Variants in ZNF735 observed in about 807,000 individuals in gnomAD.
The protein encoded by ZNF735 is putative zinc finger protein 735.
ZNF735 carries 11 observed loss-of-function variants against 13.4 expected under a neutral mutation model. That is an observed-to-expected ratio of 0.82 (90% confidence interval 0.52 to 1.36). The LOEUF is 1.36. Ranked by LOEUF, ZNF735 falls within the 40% of genes most tolerant of loss-of-function variation. The pLI is 0.00. For synonymous variants in ZNF735, 171 were observed against 162.6 expected, an observed-to-expected ratio of 1.05 and a Z score of -0.39; for missense variants, 500 against 484.6, an observed-to-expected ratio of 1.03 and a Z score of -0.30.
chr7:64,220,163 AT>A lies in ZNF735; in HGVS notation c.1113del (p.His371GlnfsTer31), dbSNP rs1396707856. 5 of 1,613,268 alleles carry A rather than the reference AT, an allele frequency of 3.1e-6. No homozygotes were observed. The highest frequency in any genetic ancestry group is 4.5e-5 in the East Asian group (2 of 44,852). ...AACTGCTCCTCAACTGTAAAGGCACATAAGAGAATTCATACTGGAGAGAAAC... is the reference window on the plus strand; with the variant it reads ...AACTGCTCCTCAACTGTAAAGGCACAAAGAGAATTCATACTGGAGAGAAAC... On this transcript the variant is annotated frameshift_variant, in exon 4 of 4. Transcript: ENST00000429565. LOFTEE classifies it low-confidence loss of function (END_TRUNC).
At chr7:64,207,315 AC>A in intron 1 of ZNF735, 74 bp downstream of exon 1, 1 of 1,613,750 alleles carries the variant, frequency 6.2e-7, no homozygotes, top group East Asian at 2.2e-5. Flanking sequence ...CTGCAGCAGG[AC>A]CCATACTTCC....
intron 2 of ZNF735, among the ~76,000 whole-genome samples, chr7:64,213,421 T>C (rs1015444515): frequency 1.3e-5 from 2 of 152,212 alleles, no homozygotes; most frequent in Admixed American, 6.5e-5. Context: ...ATGTATCTTT[T>C]GCTCTAGGTT....
chr7:64,219,509 A>C lies in ZNF735; in HGVS notation c.458A>C (p.Gln153Pro), dbSNP rs1787461199. The C allele has an allele frequency of 3.1e-6, 5 of 1,609,012 alleles. No individual in the cohort carries two copies. The highest frequency in any genetic ancestry group is 3.4e-5 in the Admixed American group (2 of 58,642). ...CTTAACCAATGTTTGTCAAATACCC[A>C]AAACAAAATATTTCAGACTCATAAA... The change falls in exon 4 of 4, where the codon CAA becomes CCA. Residue 153 changes from glutamine to proline, a missense_variant. By Grantham distance (76) the Gln-to-Pro change is moderately conservative (BLOSUM62 -1). Coordinates refer to ENST00000429565, the Ensembl canonical transcript of ZNF735.
chr7:64,213,964 AT>A (rs1787390224), intron 2 of ZNF735, 48 bp from the exon 3 acceptor site: 3 of 1,453,754 alleles, frequency 2.1e-6, no homozygotes, highest in Admixed American at 2.1e-5. Flanking sequence ...ATCTCAAAAA[AT>A]AAATAAATAA....
At chr7:64,219,075 T>G (rs547367642) in intron 3 of ZNF735, among the ~76,000 whole-genome samples, 1 of 152,330 alleles carries the variant, frequency 6.6e-6, no homozygotes, top group East Asian at 1.9e-4. Flanking sequence ...TCTCTATATA[T>G]GGTTCTTGAC....
At chr7:64,212,044 G>T (rs1378485157) in intron 1 of ZNF735, among the ~76,000 whole-genome samples, 1 of 151,892 alleles carries the variant, frequency 6.6e-6, no homozygotes, top group Non-Finnish European at 1.5e-5. Context: ...TATTCACTTG[G>T]TTCAAGATCT....
intron 3 of ZNF735, among the ~76,000 whole-genome samples, chr7:64,216,151 C>T (rs1231264300): frequency 6.6e-6 from 1 of 151,794 alleles, no homozygotes; most frequent in South Asian, 2.1e-4. Context: ...AAAAAATTAA[C>T]CAGGTGTAGT....
At chr7:64,211,342 C>G (rs1341099554) in intron 1 of ZNF735, among the ~76,000 whole-genome samples, 1 of 152,016 alleles carries the variant, frequency 6.6e-6, no homozygotes, top group Non-Finnish European at 1.5e-5. Flanking sequence ...TGAAACATAC[C>G]TTGTTGAGGT....
At chr7:64,210,935 A>G (rs1375050205) in intron 1 of ZNF735, among the ~76,000 whole-genome samples, 2 of 152,138 alleles carry the variant, frequency 1.3e-5, no homozygotes, top group Non-Finnish European at 2.9e-5. Context: ...CATTTCAGAG[A>G]AAGAGGAGGA....
chr7:64,219,946 T>C (rs1433515787), exon 4 of ZNF735: 1 of 1,613,946 alleles, frequency 6.2e-7, no homozygotes, highest in Admixed American at 1.7e-5. Flanking sequence ...ACCCTACAAA[T>C]GTGAAGAATG....
chr7:64,219,332 A>G, exon 4 of ZNF735: 1 of 1,612,940 alleles, frequency 6.2e-7, no homozygotes, highest in Non-Finnish European at 8.5e-7. Context: ...TCTCATTTCA[A>G]CCAAGACCTT....
At chr7:64,215,083 CAG>C (rs1273176649) in intron 3 of ZNF735, among the ~76,000 whole-genome samples, 3 of 139,694 alleles carry the variant, frequency 2.1e-5, no homozygotes, top group East Asian at 4.2e-4. Flanking sequence ...TTTTTTGAAA[CAG>C]AGTTTTTCTC....
Position 64,208,244 on chromosome 7 carries a change from GTTTTTTTTTTT to G in ZNF735, c.39+1023_39+1033del, listed in dbSNP as rs71060562. On this transcript the variant is annotated intron_variant, in intron 1 of 3. Transcript: ENST00000429565. ...TTCAAGATAGTAATCTCCAATAAAT[GTTTTTTTTTTT>G]TTTTTTTTTTTTTTTTTTTGGAGAG... 2.6e-4 allele frequency among the ~76,000 whole-genome samples: 24 copies of G among 93,092 alleles called. No homozygotes were observed. The South Asian group carries it at 5.2e-3, about 20-fold the overall frequency. 61.1% of individuals were successfully genotyped at this position (93,092 alleles called of 152,430 possible).
At chr7:64,217,261 C>T (rs1787433314) in intron 3 of ZNF735, among the ~76,000 whole-genome samples, 1 of 152,204 alleles carries the variant, frequency 6.6e-6, no homozygotes, top group African/African-American at 2.4e-5. Flanking sequence ...ATGTTTGGTT[C>T]TTTTTTGCCT....
At position 64,209,347 on chromosome 7, in the gene ZNF735, T is replaced by C. The variant is rs558814506; in HGVS notation, c.39+2106T>C. On this transcript the variant is annotated intron_variant, in intron 1 of 3. Coordinates refer to ENST00000429565, the Ensembl canonical transcript of ZNF735. The stretch of plus-strand genomic sequence containing the variant: ...ACACAGAATCAACTTCTGGTTTTGT[T>C]GAACTTTTTTTTTTTTTTTGAGACG... 1.0e-4 allele frequency among the ~76,000 whole-genome samples: 14 copies of C among 137,826 alleles called. No individual in the cohort carries two copies. In the South Asian group the frequency reaches 1.8e-3, roughly 18 times the overall value. 90.4% of individuals were successfully genotyped at this position (137,826 alleles called of 152,430 possible).
At chr7:64,209,348 G>A (rs1156697058) in intron 1 of ZNF735, among the ~76,000 whole-genome samples, 13 of 131,374 alleles carry the variant, frequency 9.9e-5, no homozygotes, top group Non-Finnish European at 3.2e-5. Context: ...TGGTTTTGTT[G>A]AACTTTTTTT....
intron 3 of ZNF735, among the ~76,000 whole-genome samples, chr7:64,218,604 A>G (rs1272730387): frequency 1.3e-5 from 2 of 152,068 alleles, no homozygotes; most frequent in East Asian, 3.8e-4. Context: ...CTTAAATTTT[A>G]AAAATTAATA....
intron 3 of ZNF735, 31 bp downstream of exon 3, chr7:64,214,139 G>A (rs774823694): frequency 3.8e-6 from 6 of 1,592,810 alleles, no homozygotes; most frequent in East Asian, 4.5e-5. Flanking sequence ...CAGATGACAC[G>A]GATGAGATGT....
At chr7:64,207,600 G>T (rs1384911206) in intron 1 of ZNF735, among the ~76,000 whole-genome samples, 1 of 152,180 alleles carries the variant, frequency 6.6e-6, no homozygotes, top group African/African-American at 2.4e-5. Context: ...TAAGAGCTGT[G>T]GTCCCTGGGG....
Sources: allele counts gnomAD v4.1 joint callset (sites outside exome capture counted in the v4.1 genomes callset), GRCh38; gene constraint gnomAD v4.1.1; transcripts MANE v1.5; gene names NCBI Gene and HGNC (gene_info 2026-07-23, HGNC 2026-07-21).